Variants in AZIN2 observed in about 807,000 individuals in gnomAD.
AZIN2 encodes the protein antizyme inhibitor 2.
Under a neutral mutation model 47.8 loss-of-function variants are expected in AZIN2, and 28 were observed. The ratio of observed to expected loss-of-function variants is 0.59; its 90% CI spans 0.43 to 0.80. The LOEUF (loss-of-function observed/expected upper bound fraction) is 0.80, where lower values mean the gene tolerates loss of function less well. Among genes scored for constraint, AZIN2 ranks in the 30% least tolerant of loss-of-function variants. The pLI is 0.00. For synonymous variants in AZIN2, 221 were observed against 239.4 expected (o/e 0.92, Z 0.71); for missense variants, 535 against 582.5 (o/e 0.92, Z 0.84).
Position 33,120,199 on chromosome 1 carries a change from C to T in AZIN2, c.*17C>T, listed in dbSNP as rs1644759631. 1.3e-6 allele frequency: 2 copies of T among 1,587,468 alleles called. No homozygotes were observed. The highest frequency in any genetic ancestry group is 3.4e-5 in the Admixed American group (2 of 58,932). On this transcript the variant is annotated 3_prime_UTR_variant, in exon 12 of 12. Transcript: ENST00000294517. ...ATCATGTGAGTGGGCCTCGTTCCCC[C>T]CGGAGAATCCCAGCGGGGCCTCAGA...
the AZIN2 span, chr1:33,147,259 A>G: frequency 6.2e-7 from 1 of 1,614,080 alleles, no homozygotes; most frequent in South Asian, 1.1e-5. The surrounding 1 kb of genome is among the most constrained non-coding windows in gnomAD (Gnocchi z 8.1). Context: ...GTAAGAGCAG[A>G]GCTTGCCAGG....
At chr1:33,115,946 A>C (rs1644522893) in intron 10 of AZIN2, among the ~76,000 whole-genome samples, 1 of 152,160 alleles carries the variant, frequency 6.6e-6, no homozygotes, top group Non-Finnish European at 1.5e-5. Flanking sequence ...TCATCTTTAA[A>C]CATTAGCTTA....
intron 11 of AZIN2, 28 bp from the exon 12 acceptor site, chr1:33,120,016 A>T: frequency 6.2e-7 from 1 of 1,612,906 alleles, no homozygotes; most frequent in African/African-American, 1.3e-5. Flanking sequence ...CATGCTGGCT[A>T]CTTGCAGCAC....
At chr1:33,142,445 G>A in the AZIN2 span, 1 of 152,264 alleles carries the variant, frequency 6.6e-6, no homozygotes, top group Non-Finnish European at 1.5e-5. Flanking sequence ...CAAGCCGTGG[G>A]ACCTAACGTT....
chr1:33,092,138 A>T lies in AZIN2; in HGVS notation c.368A>T (p.Tyr123Phe). 6.2e-7 allele frequency: 1 copy of T among 1,614,198 alleles called. No homozygotes were observed. Among genetic ancestry groups the T allele is most frequent in the Non-Finnish European group, 8.5e-7 (1 of 1,180,034 alleles). Residue 123 changes from tyrosine (Y) to phenylalanine (F), a missense_variant, in exon 6 of 12, where the codon TAT becomes TTT. Tyr to Phe is a conservative substitution (Grantham distance 22). This residue lies in a region of AZIN2 where 409 missense variants were observed against 429.0 expected (regional missense o/e 0.95). Coordinates refer to ENST00000294517, the MANE Select transcript of AZIN2 (RefSeq NM_052998.4). ...NPCKQIAQIK[Y>F]AAKHGIQLLS... ...TGTAAGCAAATTGCACAGATCAAAT[A>T]TGCTGCCAAGCATGGGATCCAGCTG...
At chr1:33,087,684 C>T (rs1245866726) in intron 5 of AZIN2, among the ~76,000 whole-genome samples, 1 of 151,972 alleles carries the variant, frequency 6.6e-6, no homozygotes, top group Non-Finnish European at 1.5e-5. Flanking sequence ...GATTCACCTG[C>T]CTTGGCCTCC....
At chr1:33,150,658 G>A in the AZIN2 span, among the ~76,000 whole-genome samples, 1 of 152,318 alleles carries the variant, frequency 6.6e-6, no homozygotes. Flanking sequence ...GGTCTGACTG[G>A]CCACAGGCAG....
intron 8 of AZIN2, 138 bp downstream of exon 8, chr1:33,094,851 CTGCTTATTAACCCTG>C: frequency 1.1e-6 from 1 of 925,198 alleles, no homozygotes; most frequent in Non-Finnish European, 1.6e-6. Context: ...GGTGATCTCA[CTGCTTATTAACCCTG>C]TGCTACAGCT....
At chr1:33,137,579 T>G in the AZIN2 span, among the ~76,000 whole-genome samples, 1 of 152,094 alleles carries the variant, frequency 6.6e-6, no homozygotes, top group Non-Finnish European at 1.5e-5. Context: ...CTTGTATAAT[T>G]GGTAAGAAGA....
At chr1:33,119,740 G>A (rs992331952) in intron 11 of AZIN2, 5 of 443,986 alleles carry the variant, frequency 1.1e-5, no homozygotes, top group Non-Finnish European at 2.1e-5. Flanking sequence ...TCAATGCAAC[G>A]GGGATGGTAA....
At chr1:33,100,002 G>T (rs972311463) in intron 10 of AZIN2, among the ~76,000 whole-genome samples, 1 of 151,064 alleles carries the variant, frequency 6.6e-6, no homozygotes, top group Non-Finnish European at 1.5e-5. Flanking sequence ...CCTTCCCAGG[G>T]ACTTTGTGTT....
chr1:33,141,564 G>C, the AZIN2 span, among the ~76,000 whole-genome samples: 2 of 152,202 alleles, frequency 1.3e-5, no homozygotes, highest in African/African-American at 4.8e-5. Context: ...TTGTGCCTCT[G>C]ATGCCAGCTT....
At chr1:33,097,632 C>T (rs116749425) in intron 9 of AZIN2, among the ~76,000 whole-genome samples, 1,649 of 152,272 alleles carry the variant, frequency 0.011, 12 homozygotes, top group Non-Finnish European at 0.018. Flanking sequence ...GTCCTGTGTT[C>T]GTGTGTGGCA....
intron 5 of AZIN2, among the ~76,000 whole-genome samples, chr1:33,089,408 G>A (rs1051586185): frequency 2.0e-5 from 3 of 151,956 alleles, no homozygotes; most frequent in African/African-American, 7.3e-5. Context: ...AACCAGCCTG[G>A]GCAATGTAGT....
chr1:33,125,699 A>C (rs1644851527), downstream of AZIN2, among the ~76,000 whole-genome samples: 1 of 152,168 alleles, frequency 6.6e-6, no homozygotes. Context: ...AATCCCTTAG[A>C]AAGCTATCAT....
At chr1:33,150,235 C>G in the AZIN2 span, among the ~76,000 whole-genome samples, 1 of 152,194 alleles carries the variant, frequency 6.6e-6, no homozygotes, top group Non-Finnish European at 1.5e-5. Flanking sequence ...ACATCCAGCT[C>G]TCTGGCTCTT....
intron 10 of AZIN2, among the ~76,000 whole-genome samples, chr1:33,104,543 CAT>C (rs33993023): frequency 5.4e-4 from 81 of 149,656 alleles, no homozygotes; most frequent in East Asian, 1.6e-3. Flanking sequence ...ATCTTTATTA[CAT>C]ATATATATAT....
the AZIN2 span, chr1:33,145,718 A>G: frequency 2.7e-6 from 1 of 369,888 alleles, no homozygotes; most frequent in Non-Finnish European, 5.5e-6. Flanking sequence ...CCACTCCTCC[A>G]GTTCCCACCT....
chr1:33,132,932 G>A, the AZIN2 span, among the ~76,000 whole-genome samples: 4 of 152,246 alleles, frequency 2.6e-5, no homozygotes, highest in African/African-American at 9.6e-5. Flanking sequence ...GTTTTAAGAT[G>A]GGAGAAGTGG....
Sources: allele counts gnomAD v4.1 joint callset (sites outside exome capture counted in the v4.1 genomes callset), GRCh38; gene constraint gnomAD v4.1.1; regional missense constraint gnomAD v4.1.1; non-coding constraint Gnocchi (gnomAD v3.1); transcripts MANE v1.5; gene names NCBI Gene and HGNC (gene_info 2026-07-23, HGNC 2026-07-21).